The following BBS2 variants were observed in gnomAD, a reference collection of about 807,000 sequenced individuals.
BBS2 encodes BBSome complex member BBS2.
In BBS2, 62 loss-of-function variants were observed where a neutral mutation model predicts 83.0. The observed-to-expected ratio is 0.75, with a 90% confidence interval of 0.61 to 0.92. The LOEUF is 0.92. Ranked by LOEUF, BBS2 falls within the 40% of genes least tolerant of loss-of-function variation. The pLI is 0.00. For missense variants in BBS2, 784 were observed against 901.0 expected (o/e 0.87, Z 1.66); for synonymous variants, 303 against 326.1 (o/e 0.93, Z 0.76).
At chr16:56,497,348 T>C (rs974770573) in intron 14 of BBS2, 2 of 530,814 alleles carry the variant, frequency 3.8e-6, no homozygotes, top group East Asian at 3.4e-5. Context: ...TTTTAGGGAT[T>C]TGCAGTGGGA....
intron 15 of BBS2, among the ~76,000 whole-genome samples, chr16:56,496,625 G>A (rs1964122554): frequency 1.3e-5 from 2 of 152,172 alleles, no homozygotes; most frequent in African/African-American, 4.8e-5. Flanking sequence ...TCCATTGCAT[G>A]AATATATCAC....
At position 56,484,797 on chromosome 16, in the gene BBS2, C is replaced by A; in HGVS notation, c.2130G>T (p.Leu710=). The A allele has an allele frequency of 6.2e-7, 1 of 1,614,032 alleles. No individual in the cohort carries two copies. Among genetic ancestry groups the A allele is most frequent in the Non-Finnish European group, 8.5e-7 (1 of 1,179,936 alleles). ...DAIRSNNINT[L]FKIMRVGTAS... is the part of the protein sequence containing the mutation. ...CTGTCCCCACTCGCATGATTTTGAA[C>A]AGTGTGTTGATGTTATTGCTTCGAA... The change falls in exon 17 of 17, where the codon CTG becomes CTT. Residue 710 remains leucine (L), a synonymous_variant. Transcript: ENST00000245157.
At chr16:56,505,742 C>T (rs942024721) in intron 7 of BBS2, among the ~76,000 whole-genome samples, 2 of 152,138 alleles carry the variant, frequency 1.3e-5, no homozygotes, top group African/African-American at 4.8e-5. Flanking sequence ...CCCCAAACAC[C>T]GCTTATAAGA....
chr16:56,486,984 G>A (rs1193519271), intron 15 of BBS2, among the ~76,000 whole-genome samples: 2 of 151,880 alleles, frequency 1.3e-5, no homozygotes, highest in East Asian at 3.9e-4. Context: ...GGCTGGTCTC[G>A]AACTCCTGGC....
At chr16:56,501,571 T>C in intron 9 of BBS2, 74 bp from the exon 10 acceptor site, 1 of 1,587,588 alleles carries the variant, frequency 6.3e-7, no homozygotes, top group Non-Finnish European at 8.6e-7. Context: ...ATAATATTGC[T>C]ATTCAGCTTC....
intron 1 of BBS2, among the ~76,000 whole-genome samples, chr16:56,517,821 C>CTT (rs11429010): frequency 1.6e-4 from 22 of 138,078 alleles, no homozygotes; most frequent in Admixed American, 4.4e-4. Flanking sequence ...TTTGTCAGTG[C>CTT]TTTTTTTTTT....
intron 15 of BBS2, 77 bp downstream of exon 15, chr16:56,496,890 G>C: frequency 2.9e-6 from 3 of 1,042,324 alleles, no homozygotes; most frequent in Non-Finnish European, 4.6e-6. Flanking sequence ...ACTTCTATTG[G>C]TAACATCTGA....
chr16:56,511,063 TATAA>T (rs1277434686), intron 3 of BBS2, 92 bp downstream of exon 3: 1 of 1,580,656 alleles, frequency 6.3e-7, no homozygotes, highest in Non-Finnish European at 8.7e-7. Flanking sequence ...TGCACAGAAT[TATAA>T]ATATTATTAC....
Position 56,505,865 on chromosome 16 carries a change from A to G in BBS2, c.804+85T>C, listed in dbSNP as rs539480273. 5 of 1,023,162 alleles carry G rather than the reference A, an allele frequency of 4.9e-6. No individual in the cohort carries two copies. In the Admixed American group the frequency reaches 5.1e-5, roughly 10 times the overall value. The allele number at this position is 1,023,162 out of a possible 1,614,324, so 63.4% of individuals were successfully genotyped here. A position where few individuals can be genotyped will look rare whatever the true frequency, so the allele number is the denominator to read the frequency against. On this transcript the variant is annotated intron_variant, in intron 7 of 16. Transcript: ENST00000245157. Reference sequence around the variant, plus strand: ...GGAACGAACTGAAGTTTACATCCCAATGTTACTGTTCTAAGTCCTACAGCC... The same window carrying G: ...GGAACGAACTGAAGTTTACATCCCAGTGTTACTGTTCTAAGTCCTACAGCC...
At chr16:56,494,064 T>C (rs576397470) in intron 15 of BBS2, among the ~76,000 whole-genome samples, 1 of 151,972 alleles carries the variant, frequency 6.6e-6, no homozygotes, top group South Asian at 2.1e-4. Flanking sequence ...GTTCCAGAGA[T>C]CTTCTTACCT....
intron 17 of BBS2, chr16:56,476,391 C>A: frequency 7.9e-6 from 3 of 378,732 alleles, no homozygotes; most frequent in East Asian, 4.0e-5. Flanking sequence ...CAGCTAAGTA[C>A]TTATCTCTTG....
chr16:56,489,288 C>A (rs1466322888), intron 15 of BBS2, among the ~76,000 whole-genome samples: 1 of 151,780 alleles, frequency 6.6e-6, no homozygotes, highest in Non-Finnish European at 1.5e-5. Context: ...TTGCAGTGAG[C>A]TGTGATCACA....
At chr16:56,473,011 A>G (rs1230530856) in intron 17 of BBS2, among the ~76,000 whole-genome samples, 1 of 151,986 alleles carries the variant, frequency 6.6e-6, no homozygotes, top group Non-Finnish European at 1.5e-5. Context: ...GCTCACTGCT[A>G]CCTCCGTCTT....
At chr16:56,501,818 C>G (rs553797367) in intron 9 of BBS2, 18 of 397,592 alleles carry the variant, frequency 4.5e-5, no homozygotes, top group Non-Finnish European at 7.5e-5. Context: ...TACAGTAATG[C>G]ATTACAGGAC....
intron 17 of BBS2, chr16:56,478,925 A>AAGAT (rs1480724272): frequency 2.6e-5 from 4 of 152,208 alleles, no homozygotes; most frequent in Non-Finnish European, 2.9e-5. Context: ...TTCTGCACTG[A>AAGAT]AGATAGATAC....
At chr16:56,518,110 C>T (rs1479043580) in intron 1 of BBS2, among the ~76,000 whole-genome samples, 1 of 152,168 alleles carries the variant, frequency 6.6e-6, no homozygotes, top group Non-Finnish European at 1.5e-5. Context: ...AGTCACTGCA[C>T]CCAGCCTGTC....
chr16:56,508,976 T>C (rs1242026624), intron 5 of BBS2, among the ~76,000 whole-genome samples: 2 of 152,152 alleles, frequency 1.3e-5, no homozygotes, highest in African/African-American at 4.8e-5. Flanking sequence ...CAACCTGGGA[T>C]ATTAAGAAAT....
chr16:56,476,078 C>T (rs746830084), intron 17 of BBS2: 1 of 1,613,214 alleles, frequency 6.2e-7, no homozygotes, highest in Non-Finnish European at 8.5e-7. Context: ...AATTCTTTGG[C>T]ATTGGTCTAC....
rs754303918 is a variant in BBS2, at chr16:56,501,379, G to A, written c.1199C>T (p.Thr400Ile). The A allele has an allele frequency of 5.6e-6, 9 of 1,614,032 alleles. No individual in the cohort carries two copies. The highest frequency in any genetic ancestry group is 7.6e-6 in the Non-Finnish European group (9 of 1,179,988). ...ATTAGAAGTGGAAATGCGTAATTCT[G>A]TATGAGCAGTTTGGGTCTCATTCCC... ...SLGNETQTAH[T>I]ELRISTSNDT... Residue 400 changes from threonine to isoleucine, a missense_variant, in exon 10 of 17, where the codon ACA becomes ATA. Physicochemically the swap from Thr to Ile is moderately conservative, Grantham distance 89. Transcript: ENST00000245157.
Sources: allele counts gnomAD v4.1 joint callset (sites outside exome capture counted in the v4.1 genomes callset), GRCh38; gene constraint gnomAD v4.1.1; transcripts MANE v1.5; gene names NCBI Gene and HGNC (gene_info 2026-07-23, HGNC 2026-07-21).